The following IRAK4 variants were observed in gnomAD, a reference collection of about 807,000 sequenced individuals.
The protein encoded by IRAK4 is interleukin 1 receptor associated kinase 4, also known as interleukin-1 receptor-associated kinase 4.
In IRAK4, 44 loss-of-function variants were observed where a neutral mutation model predicts 51.8. The observed-to-expected ratio is 0.85, with a 90% CI of 0.67 to 1.09. IRAK4 has a LOEUF of 1.09. IRAK4 is among the 50% of genes least tolerant of loss of function. The pLI, the probability that IRAK4 is intolerant of heterozygous loss-of-function variation, is 0.00. For missense variants in IRAK4, 487 were observed against 538.0 expected (o/e 0.91, Z 0.94); for synonymous variants, 149 against 174.1 (o/e 0.86, Z 1.13).
chr12:43,773,087 C>T lies in IRAK4; in HGVS notation c.651+15C>T, dbSNP rs374133654. The T allele has an allele frequency of 3.0e-4, 481 of 1,610,570 alleles. 1 individual carries two copies. In the Middle Eastern group the frequency reaches 3.8e-3, roughly 13 times the overall value. ...AGCTTGCAGCAGTAAGTTATATTTT[C>T]AGGAATAAAAAGAAAGAGTTGCTTC... On this transcript the variant is annotated intron_variant, in intron 5 of 11. Transcript: ENST00000613694.
At chr12:43,768,005 T>C in intron 1 of IRAK4, 98 bp from the exon 2 acceptor site, 1 of 835,950 alleles carries the variant, frequency 1.2e-6, no homozygotes, top group Non-Finnish European at 2.0e-6. Context: ...AATCAGTTGC[T>C]GACATTTCAT....
chr12:43,784,964 T>A (rs1295751704), intron 10 of IRAK4, among the ~76,000 whole-genome samples: 1 of 152,180 alleles, frequency 6.6e-6, no homozygotes, highest in African/African-American at 2.4e-5. Context: ...CTGTATTAGC[T>A]TCCTAGGACT....
rs574043929 is a variant in IRAK4 at position 43,787,782 on chromosome 12, G to A, written c.*1067G>A. The A allele has an allele frequency of 6.6e-6, 1 of 152,664 alleles. No individual in the cohort carries two copies. Among genetic ancestry groups the A allele is most frequent in the Admixed American group, 6.5e-5 (1 of 15,308 alleles). 9.5% of individuals were successfully genotyped at this position (152,664 alleles called of 1,614,324 possible). ...AGATAATGGGTCACATTGGCTGGAT[G>A]TGGTGGCTCATACCTGTAAATCCCA... On this transcript the variant is annotated 3_prime_UTR_variant, in exon 12 of 12. Transcript: ENST00000613694.
Position 43,787,338 on chromosome 12 carries a change from A to G in IRAK4, c.*623A>G, listed in dbSNP as rs4251552. On this transcript the variant is annotated 3_prime_UTR_variant, in exon 12 of 12. Coordinates refer to ENST00000613694, the MANE Select transcript of IRAK4 (RefSeq NM_016123.4). The stretch of plus-strand genomic sequence containing the variant: ...ATACTGCCATAATGATATGTCCATT[A>G]TTAGATTATGTTACATGACAAAGTT... The G allele has an allele frequency of 0.046, 7,070 of 152,630 alleles. 254 individuals carry two copies. Among genetic ancestry groups the G allele is most frequent in the Middle Eastern group, 0.075 (22 of 294 alleles). 9.5% of individuals were successfully genotyped at this position (152,630 alleles called of 1,614,324 possible).
At position 43,777,538 on chromosome 12, in the gene IRAK4, C is replaced by G. The variant is rs1377155191; in HGVS notation, c.717-92C>G. The G allele has an allele frequency of 9.8e-6, 12 of 1,218,916 alleles. 1 individual carries two copies. The highest frequency in any genetic ancestry group is 7.7e-6 in the Non-Finnish European group (7 of 904,920). 75.5% of individuals were successfully genotyped at this position (1,218,916 alleles called of 1,614,324 possible). ...ATATATAACATACTATTTTTTTGCTCTTTTTTTCTATTAAAACTTTGAATA... is the reference window on the plus strand; with the variant it reads ...ATATATAACATACTATTTTTTTGCTGTTTTTTTCTATTAAAACTTTGAATA... On this transcript the variant is annotated intron_variant, in intron 6 of 11. Coordinates refer to ENST00000613694, the MANE Select transcript of IRAK4 (RefSeq NM_016123.4).
At chr12:43,774,078 G>A in intron 6 of IRAK4, 49 bp downstream of exon 6, 1 of 1,336,784 alleles carries the variant, frequency 7.5e-7, no homozygotes, top group Non-Finnish European at 1.1e-6. Context: ...AAAAGACAAG[G>A]AGTAAAGAAC....
intron 1 of IRAK4, among the ~76,000 whole-genome samples, chr12:43,764,369 A>C (rs535987030): frequency 1.3e-5 from 2 of 152,354 alleles, no homozygotes; most frequent in East Asian, 3.9e-4. Context: ...GGTTGCAGTA[A>C]GCCAAAATTG....
chr12:43,776,669 G>A (rs1941301678), intron 6 of IRAK4, among the ~76,000 whole-genome samples: 1 of 152,236 alleles, frequency 6.6e-6, no homozygotes, highest in Non-Finnish European at 1.5e-5. Flanking sequence ...CAGTAAGGCT[G>A]TTAACTTGCG....
chr12:43,768,654 G>GA, intron 2 of IRAK4: 1 of 180,502 alleles, frequency 5.5e-6, no homozygotes, highest in Non-Finnish European at 1.2e-5. Context: ...CAAAGTGTGT[G>GA]AATCTCTAAC....
At chr12:43,769,428 G>T (rs572985523) in intron 2 of IRAK4, among the ~76,000 whole-genome samples, 15 of 152,228 alleles carry the variant, frequency 9.9e-5, no homozygotes, top group African/African-American at 3.4e-4. Context: ...TGGAGACCGA[G>T]GTGGGCAGAT....
rs1188179787 is a variant in IRAK4 at position 43,788,182 on chromosome 12, T to C, written c.*1467T>C. 3 of 152,228 alleles carry C rather than the reference T, an allele frequency of 2.0e-5. No homozygotes were observed. The highest frequency in any genetic ancestry group is 7.2e-5 in the African/African-American group (3 of 41,438). 9.4% of individuals were successfully genotyped at this position (152,228 alleles called of 1,614,324 possible). ...TTTCCCATGATGATTTCCCATGATATTTACAGGTTTTGCCCACATTTGAGG... is the reference window on the plus strand; with the variant it reads ...TTTCCCATGATGATTTCCCATGATACTTACAGGTTTTGCCCACATTTGAGG... On this transcript the variant is annotated 3_prime_UTR_variant, in exon 12 of 12. Coordinates refer to ENST00000613694, the MANE Select transcript of IRAK4 (RefSeq NM_016123.4).
chr12:43,772,943 G>T lies in IRAK4; in HGVS notation c.522G>T (p.Lys174Asn), dbSNP rs771324378. Residue 174 changes from lysine to asparagine, a missense_variant, in exon 5 of 12, where the codon AAG becomes AAT. Coordinates refer to ENST00000613694, the MANE Select transcript of IRAK4 (RefSeq NM_016123.4). ...ACAGTTTTTCATTTTATGAATTGAA[G>T]AATGTCACAAATAACTTTGATGAAC... is the stretch of plus-strand genomic sequence containing the variant. Reference protein sequence around the residue: ...RFHSFSFYELKNVTNNFDERP... With the variant: ...RFHSFSFYELNNVTNNFDERP... 1.9e-6 allele frequency: 3 copies of T among 1,610,072 alleles called. No homozygotes were observed. In the South Asian group the frequency reaches 3.3e-5, roughly 18 times the overall value.
At chr12:43,771,688 A>G (rs945474950) in intron 3 of IRAK4, among the ~76,000 whole-genome samples, 2 of 152,156 alleles carry the variant, frequency 1.3e-5, no homozygotes, top group African/African-American at 4.8e-5. Flanking sequence ...TTCATCTTCA[A>G]CTTCTACCCT....
intron 2 of IRAK4, 166 bp downstream of exon 2, chr12:43,768,438 G>A: frequency 1.7e-6 from 1 of 597,664 alleles, no homozygotes; most frequent in Non-Finnish European, 2.9e-6. Context: ...TTGCAGTTTT[G>A]TCTTCTTTGT....
At position 43,772,175 on chromosome 12, in the gene IRAK4, G is replaced by C; in HGVS notation, c.308-5G>C. 6.2e-7 allele frequency: 1 copy of C among 1,611,106 alleles called. No individual in the cohort carries two copies. Among genetic ancestry groups the C allele is most frequent in the Non-Finnish European group, 8.5e-7 (1 of 1,178,328 alleles). On this transcript the variant is annotated splice_polypyrimidine_tract_variant and splice_region_variant and intron_variant, in intron 3 of 11. Coordinates refer to ENST00000613694, the MANE Select transcript of IRAK4 (RefSeq NM_016123.4). ...AAACCACTTGTATCTTACTTCATTTGTTAGATGCTGTTCCCAAAACTGCTA... is the reference window on the plus strand; with the variant it reads ...AAACCACTTGTATCTTACTTCATTTCTTAGATGCTGTTCCCAAAACTGCTA...
chr12:43,777,619 A>C lies in IRAK4; in HGVS notation c.717-11A>C. On this transcript the variant is annotated splice_polypyrimidine_tract_variant and intron_variant, in intron 6 of 11. Transcript: ENST00000613694. ...TTATAATAATTTTGCATGAAAAATT[A>C]TTTGTCACAGGTGTCAACATGAAAA... 1.9e-6 allele frequency: 3 copies of C among 1,594,382 alleles called. No homozygotes were observed. Among genetic ancestry groups the C allele is most frequent in the Non-Finnish European group, 2.6e-6 (3 of 1,169,660 alleles).
chr12:43,784,533 T>C (rs1300754787), intron 10 of IRAK4, among the ~76,000 whole-genome samples: 1 of 152,212 alleles, frequency 6.6e-6, no homozygotes, highest in Non-Finnish European at 1.5e-5. Flanking sequence ...TATGGAGGGC[T>C]CAAGATTGAA....
chr12:43,785,135 C>G (rs554035748), intron 10 of IRAK4, among the ~76,000 whole-genome samples: 2 of 152,210 alleles, frequency 1.3e-5, no homozygotes, highest in African/African-American at 4.8e-5. Flanking sequence ...TAGGGCTTAC[C>G]TCCAGGATTA....
chr12:43,759,327 G>T (rs1196968133), intron 1 of IRAK4: 3 of 152,172 alleles, frequency 2.0e-5, no homozygotes, highest in Non-Finnish European at 4.4e-5. Context: ...CCTGGATTCC[G>T]TGAACCCGAC....
Sources: allele counts gnomAD v4.1 joint callset (sites outside exome capture counted in the v4.1 genomes callset), GRCh38; gene constraint gnomAD v4.1.1; transcripts MANE v1.5; gene names NCBI Gene and HGNC (gene_info 2026-07-23, HGNC 2026-07-21).